SMAD2: variants seen among roughly 807,000 people sequenced by gnomAD.
The protein encoded by SMAD2 is SMAD family member 2, also known as MAD homolog 2.
In SMAD2, 8 loss-of-function variants were observed where a neutral mutation model predicts 64.4. The observed-to-expected ratio is 0.12, with a 90% CI of 0.07 to 0.22. The LOEUF is 0.22. Among genes scored for constraint, SMAD2 ranks in the 10% least tolerant of loss-of-function variants. The pLI, the probability that SMAD2 is intolerant of heterozygous loss-of-function variation, is 1.00. For synonymous variants in SMAD2, 203 were observed against 195.8 expected, an observed-to-expected ratio of 1.04 and a Z score of -0.31; for missense variants, 289 against 561.2, an observed-to-expected ratio of 0.51 and a Z score of 4.90.
At chr18:47,879,150 C>T (rs940099702) in intron 2 of SMAD2, among the ~76,000 whole-genome samples, 19 of 152,186 alleles carry the variant, frequency 1.2e-4, no homozygotes, top group African/African-American at 4.6e-4. Flanking sequence ...CTGCAGATAA[C>T]ACAAATCTAG....
intron 7 of SMAD2, among the ~76,000 whole-genome samples, chr18:47,850,775 GTATAATA>G (rs1412321878): frequency 6.8e-4 from 6 of 8,798 alleles, no homozygotes; most frequent in African/African-American, 1.1e-3. Flanking sequence ...TATACATTAT[GTATAATA>G]TATATTATAT....
rs113766315 is a variant in SMAD2, at chr18:47,837,358, C to T, written c.*4469G>A. 569 of 189,700 alleles carry T rather than the reference C, an allele frequency of 3.0e-3. 4 individuals carry two copies. The highest frequency in any genetic ancestry group is 0.013 in the African/African-American group (544 of 42,948). 11.8% of individuals were successfully genotyped at this position (189,700 alleles called of 1,614,324 possible). A position where few individuals can be genotyped will look rare whatever the true frequency, so the allele number is the denominator to read the frequency against. ...TGGACAGATCACGAGGTCAGGAGAT[C>T]GAGACCATCCTGGCCAACACGGTGA... On this transcript the variant is annotated 3_prime_UTR_variant, in exon 11 of 11. Transcript: ENST00000262160.
intron 6 of SMAD2, among the ~76,000 whole-genome samples, chr18:47,852,804 A>T (rs1304849130): frequency 6.6e-6 from 1 of 152,194 alleles, no homozygotes; most frequent in Non-Finnish European, 1.5e-5. Flanking sequence ...GGGCACAAAC[A>T]TACAAAATAA....
chr18:47,844,910 C>T, intron 10 of SMAD2: 1 of 272,946 alleles, frequency 3.7e-6, no homozygotes, highest in Non-Finnish European at 6.9e-6. Flanking sequence ...TTTCTATTCT[C>T]CAAACTGAAT....
chr18:47,930,608 G>C lies in SMAD2; in HGVS notation c.-301C>G, dbSNP rs1016252821. ...GGGAGGGGAGGAGAGGGAAGGGGAG[G>C]GGAGGGAGCCTGGCCGCCGCCCGCG... is the stretch of plus-strand genomic sequence containing the variant. On this transcript the variant is annotated 5_prime_UTR_variant, in exon 1 of 11. Coordinates refer to ENST00000262160, the MANE Select transcript of SMAD2 (RefSeq NM_005901.6). 6.7e-6 allele frequency: 1 copy of C among 149,992 alleles called. No homozygotes were observed. The highest frequency in any genetic ancestry group is 2.4e-5 in the African/African-American group (1 of 40,910). 9.3% of individuals were successfully genotyped at this position (149,992 alleles called of 1,614,324 possible).
chr18:47,845,751 G>A lies in SMAD2; in HGVS notation c.1047C>T (p.Cys349=), dbSNP rs2144290696. The part of the protein sequence containing the change: ...YYIGGEVFAE[C]LSDSAIFVQS... ...GCACAAAGATTGCACTATCACTTAG[G>A]CACTCAGCAAAAACTTCCCCACCTA... Residue 349 remains cysteine, a synonymous_variant, in exon 9 of 11, where the codon TGC becomes TGT. Coordinates refer to ENST00000262160, the MANE Select transcript of SMAD2 (RefSeq NM_005901.6). The A allele has an allele frequency of 6.2e-7, 1 of 1,613,468 alleles. No individual in the cohort carries two copies. Among genetic ancestry groups the A allele is most frequent in the South Asian group, 1.1e-5 (1 of 91,060 alleles).
At chr18:47,883,806 C>G (rs1372577575) in intron 2 of SMAD2, among the ~76,000 whole-genome samples, 2 of 152,134 alleles carry the variant, frequency 1.3e-5, no homozygotes, top group Non-Finnish European at 2.9e-5. Flanking sequence ...CATGATATAT[C>G]TAAGTGTGGT....
At chr18:47,849,152 A>G (rs1472654252) in intron 7 of SMAD2, among the ~76,000 whole-genome samples, 1 of 152,324 alleles carries the variant, frequency 6.6e-6, no homozygotes, top group East Asian at 1.9e-4. Context: ...AAAATATGAC[A>G]TATTTTTGAC....
At chr18:47,871,527 AGTACTACAGG>A (rs2031932068) in intron 2 of SMAD2, among the ~76,000 whole-genome samples, 2 of 152,340 alleles carry the variant, frequency 1.3e-5, no homozygotes. Flanking sequence ...CCTTGGCTTT[AGTACTACAGG>A]TGCTGTCACA....
chr18:47,867,456 T>C (rs930479523), intron 5 of SMAD2: 4 of 152,074 alleles, frequency 2.6e-5, no homozygotes, highest in African/African-American at 9.7e-5. Context: ...TTTAAGAATT[T>C]TGTAAATGCT....
chr18:47,857,015 G>A (rs920865245), intron 6 of SMAD2, among the ~76,000 whole-genome samples: 1 of 151,508 alleles, frequency 6.6e-6, no homozygotes, highest in Non-Finnish European at 1.5e-5. Flanking sequence ...CCGCCACTAC[G>A]CCCGGCTAAT....
intron 1 of SMAD2, among the ~76,000 whole-genome samples, chr18:47,915,853 CTATTAA>C (rs1321090277): frequency 6.6e-6 from 1 of 152,136 alleles, no homozygotes; most frequent in Non-Finnish European, 1.5e-5. Context: ...ACTTCTATTA[CTATTAA>C]TTTTACCTGT....
At chr18:47,915,759 A>G (rs978236138) in intron 1 of SMAD2, among the ~76,000 whole-genome samples, 1 of 152,178 alleles carries the variant, frequency 6.6e-6, no homozygotes, top group African/African-American at 2.4e-5. Context: ...CACAATCCCC[A>G]AAAAAACAAC....
intron 5 of SMAD2, among the ~76,000 whole-genome samples, chr18:47,867,835 T>A (rs1792683): frequency 1.3e-5 from 2 of 151,786 alleles, no homozygotes; most frequent in Non-Finnish European, 2.9e-5. Flanking sequence ...CTGACGTTCG[T>A]GTTATAATAT....
chr18:47,819,631 C>G lies in SMAD2; in HGVS notation c.*22196G>C, dbSNP rs1050350955. Reference sequence around the variant, plus strand: ...AGATCACGGTGAAACCTCGTCTCTACTAAAAATACAAAAAATTGGCTGGGC... The same window carrying G: ...AGATCACGGTGAAACCTCGTCTCTAGTAAAAATACAAAAAATTGGCTGGGC... On this transcript the variant is annotated 3_prime_UTR_variant, in exon 11 of 11. Transcript: ENST00000262160. 2.6e-5 allele frequency: 4 copies of G among 152,060 alleles called. No individual in the cohort carries two copies. The East Asian group carries it at 5.8e-4, about 22-fold the overall frequency. The allele number at this position is 152,060 out of a possible 1,614,324, so 9.4% of individuals were successfully genotyped here.
In SMAD2 at chr18:47,841,728, G is replaced by T. The variant is rs1400263316; in HGVS notation, c.*99C>A. ...GACCTCAAGTGCTGTTTTCTCTCTTGAACTTTTGGATAGTAAACAGTCCAT... is the reference window on the plus strand; with the variant it reads ...GACCTCAAGTGCTGTTTTCTCTCTTTAACTTTTGGATAGTAAACAGTCCAT... On this transcript the variant is annotated 3_prime_UTR_variant, in exon 11 of 11. Coordinates refer to ENST00000262160, the MANE Select transcript of SMAD2 (RefSeq NM_005901.6). The T allele has an allele frequency of 1.4e-6, 2 of 1,412,210 alleles. No individual in the cohort carries two copies. The highest frequency in any genetic ancestry group is 2.0e-6 in the Non-Finnish European group (2 of 1,003,064). 87.5% of individuals were successfully genotyped at this position (1,412,210 alleles called of 1,614,324 possible). A position where few individuals can be genotyped will look rare whatever the true frequency, so the allele number is the denominator to read the frequency against.
chr18:47,828,857 G>C lies in SMAD2; in HGVS notation c.*12970C>G, dbSNP rs1220744657. ...ACCCTTGTTCACATGTTTATCTGCT[G>C]ACCTTCCCTCCACTATTGTCCTATG... On this transcript the variant is annotated 3_prime_UTR_variant, in exon 11 of 11. Coordinates refer to ENST00000262160, the MANE Select transcript of SMAD2 (RefSeq NM_005901.6). 1 of 149,312 alleles carries C rather than the reference G, an allele frequency of 6.7e-6. No homozygotes were observed. Among genetic ancestry groups the C allele is most frequent in the East Asian group, 2.0e-4 (1 of 4,892 alleles). The allele number at this position is 149,312 out of a possible 1,614,324, so 9.2% of individuals were successfully genotyped here. A position where few individuals can be genotyped will look rare whatever the true frequency, so the allele number is the denominator to read the frequency against.
At chr18:47,845,192 T>C (rs768171005) in intron 10 of SMAD2, 148 bp downstream of exon 10, 16 of 804,182 alleles carry the variant, frequency 2.0e-5, no homozygotes, top group Non-Finnish European at 3.4e-5. Context: ...AGTTTTGAAT[T>C]TGGAGGCCTC....
At chr18:47,892,423 C>T (rs550035121) in intron 2 of SMAD2, among the ~76,000 whole-genome samples, 5 of 152,302 alleles carry the variant, frequency 3.3e-5, no homozygotes, top group Admixed American at 2.6e-4. Context: ...TAGTCTGAAA[C>T]TCCTGACCTC....
Sources: gnomAD v4.1 joint callset for allele counts (sites outside exome capture counted in the v4.1 genomes callset) on GRCh38, gnomAD v4.1.1 for gene constraint, MANE v1.5 for transcripts, NCBI Gene and HGNC (gene_info 2026-07-23, HGNC 2026-07-21) for gene names.